Variants in CRACR2A observed in about 807,000 individuals in gnomAD.
CRACR2A encodes the protein EF-hand calcium-binding domain-containing protein 4B.
In CRACR2A, 79 loss-of-function variants were observed where a neutral mutation model predicts 90.5. That is an observed-to-expected ratio of 0.87 (90% CI 0.73 to 1.05). The LOEUF (loss-of-function observed/expected upper bound fraction) is 1.05, where lower values mean the gene tolerates loss of function less well. CRACR2A is among the 50% of genes least tolerant of loss of function. The pLI, the probability that CRACR2A is intolerant of heterozygous loss-of-function variation, is 0.00. For synonymous variants in CRACR2A, 338 were observed against 356.7 expected (o/e 0.95, Z 0.59); for missense variants, 823 against 897.2 (o/e 0.92, Z 1.06).
At chr12:3,725,887 T>C (rs1235081215) in intron 2 of CRACR2A, 1 of 152,094 alleles carries the variant, frequency 6.6e-6, no homozygotes, top group Non-Finnish European at 1.5e-5. Context: ...ATCCCAGCTT[T>C]CACTGATCAC....
At chr12:3,648,094 C>T in intron 11 of CRACR2A, 1 of 998,852 alleles carries the variant, frequency 1.0e-6, no homozygotes, top group Non-Finnish European at 1.2e-6. Flanking sequence ...CAGAGAGTAG[C>T]TGTGTCGCCT....
At chr12:3,717,625 G>A (rs1317692925) in intron 2 of CRACR2A, among the ~76,000 whole-genome samples, 1 of 152,082 alleles carries the variant, frequency 6.6e-6, no homozygotes, top group Admixed American at 6.5e-5. Flanking sequence ...GTACACAAAG[G>A]ATTTTGTCAT....
intron 4 of CRACR2A, among the ~76,000 whole-genome samples, chr12:3,691,813 T>A (rs1945654384): frequency 6.6e-6 from 1 of 152,244 alleles, no homozygotes; most frequent in African/African-American, 2.4e-5. Flanking sequence ...CTTTACATAA[T>A]CCCATATTTC....
chr12:3,751,979 G>A (rs1330285914), intron 1 of CRACR2A, among the ~76,000 whole-genome samples: 1 of 152,160 alleles, frequency 6.6e-6, no homozygotes, highest in South Asian at 2.1e-4. Flanking sequence ...CTGATTCCAC[G>A]TGGAGCAAAC....
chr12:3,675,250 C>T (rs967748956), intron 6 of CRACR2A, among the ~76,000 whole-genome samples: 3 of 152,110 alleles, frequency 2.0e-5, no homozygotes, highest in Non-Finnish European at 4.4e-5. Context: ...TAGTGTCATG[C>T]TAGCAATGCC....
chr12:3,743,222 C>A (rs1457596968), intron 1 of CRACR2A, among the ~76,000 whole-genome samples: 1 of 152,158 alleles, frequency 6.6e-6, no homozygotes, highest in Non-Finnish European at 1.5e-5. Flanking sequence ...AGCTGAGTAA[C>A]TTTTCTTTTT....
Position 3,746,159 on chromosome 12 carries a change from T to C in CRACR2A, c.-387+6856A>G, listed in dbSNP as rs1946622208. Among the ~76,000 whole-genome samples the C allele has an allele frequency of 2.0e-5, 3 of 152,188 alleles. No homozygotes were observed. The highest frequency in any genetic ancestry group is 1.9e-4 in the East Asian group (1 of 5,204). The stretch of plus-strand genomic sequence containing the variant: ...TACTTGCCTATAAACACTAACATCA[T>C]TGGTTATTTTTCATATCATCTCCTG... On this transcript the variant is annotated intron_variant, in intron 1 of 19. Transcript: ENST00000440314. The surrounding 1 kb of genome is among the most constrained non-coding windows in gnomAD (Gnocchi z 4.4).
At chr12:3,737,279 CT>C (rs1304650710) in intron 1 of CRACR2A, among the ~76,000 whole-genome samples, 1 of 152,134 alleles carries the variant, frequency 6.6e-6, no homozygotes, top group Non-Finnish European at 1.5e-5. Flanking sequence ...GTAGAACACG[CT>C]TTTTGTGTGT....
chr12:3,650,657 C>T (rs1234067167), intron 10 of CRACR2A, among the ~76,000 whole-genome samples: 5 of 152,192 alleles, frequency 3.3e-5, no homozygotes, highest in Non-Finnish European at 5.9e-5. Context: ...TGTCCTGCCT[C>T]TCTCCAGGGG....
chr12:3,656,454 C>T (rs201708030), intron 8 of CRACR2A, 48 bp from the exon 9 acceptor site: 220 of 1,577,120 alleles, frequency 1.4e-4, no homozygotes, highest in Non-Finnish European at 1.7e-4. Flanking sequence ...GTAGCACACC[C>T]GGGTTATAGA....
intron 10 of CRACR2A, among the ~76,000 whole-genome samples, chr12:3,652,841 C>G (rs1414560431): frequency 6.6e-6 from 1 of 152,170 alleles, no homozygotes; most frequent in Non-Finnish European, 1.5e-5. Flanking sequence ...AAGTCCAACT[C>G]TTGTAAGAAT....
intron 7 of CRACR2A, among the ~76,000 whole-genome samples, chr12:3,669,504 G>C (rs1945203811): frequency 6.7e-6 from 1 of 149,276 alleles, no homozygotes; most frequent in Non-Finnish European, 1.5e-5. Flanking sequence ...GCCCACAAGG[G>C]GCTCAAATCC....
intron 2 of CRACR2A, among the ~76,000 whole-genome samples, chr12:3,718,391 C>T (rs1013674035): frequency 1.3e-5 from 2 of 152,150 alleles, no homozygotes; most frequent in Admixed American, 6.5e-5. Flanking sequence ...CTCAAGCAGC[C>T]GGGCTTGCAG....
intron 11 of CRACR2A, among the ~76,000 whole-genome samples, chr12:3,645,412 AG>A (rs1944665916): frequency 6.6e-6 from 1 of 152,080 alleles, no homozygotes; most frequent in Admixed American, 6.5e-5. Context: ...CGAGAGAAAA[AG>A]TGGATGGTGG....
At chr12:3,750,821 A>G (rs1390760642) in intron 1 of CRACR2A, among the ~76,000 whole-genome samples, 1 of 152,150 alleles carries the variant, frequency 6.6e-6, no homozygotes, top group Non-Finnish European at 1.5e-5. Context: ...TCAGCAAACC[A>G]TTGCAACAAG....
chr12:3,681,466 T>G (rs1945450239), intron 4 of CRACR2A, among the ~76,000 whole-genome samples: 1 of 152,242 alleles, frequency 6.6e-6, no homozygotes, highest in East Asian at 1.9e-4. Context: ...TGCTGCTCCC[T>G]TCTGGCCTTC....
At chr12:3,726,230 A>AGAGC (rs1467048207) in intron 2 of CRACR2A, 1 of 151,940 alleles carries the variant, frequency 6.6e-6, no homozygotes, top group Admixed American at 6.6e-5. Context: ...AGAGAGAGAG[A>AGAGC]GAGCGAGCAC....
At chr12:3,735,787 A>G (rs1253523796) in intron 1 of CRACR2A, among the ~76,000 whole-genome samples, 1 of 152,312 alleles carries the variant, frequency 6.6e-6, no homozygotes, top group East Asian at 1.9e-4. Flanking sequence ...CTTGTTACCA[A>G]TTCAGATCTT....
intron 10 of CRACR2A, among the ~76,000 whole-genome samples, chr12:3,653,061 T>C (rs1196163041): frequency 1.3e-5 from 2 of 151,070 alleles, no homozygotes; most frequent in African/African-American, 4.9e-5. Flanking sequence ...TGGCTCACTG[T>C]AACCTCTGCC....
Sources: allele counts gnomAD v4.1 joint callset (sites outside exome capture counted in the v4.1 genomes callset), GRCh38; gene constraint gnomAD v4.1.1; non-coding constraint Gnocchi (gnomAD v3.1); transcripts MANE v1.5; gene names NCBI Gene and HGNC (gene_info 2026-07-23, HGNC 2026-07-21).